The following MAP4K4 variants were observed in gnomAD, a reference collection of about 807,000 sequenced individuals.
MAP4K4 encodes mitogen-activated protein kinase kinase kinase kinase 4.
Under a neutral mutation model 189.6 loss-of-function variants are expected in MAP4K4, and 38 were observed. The ratio of observed to expected loss-of-function variants is 0.20; its 90% confidence interval spans 0.15 to 0.26. The LOEUF is 0.26. MAP4K4 is among the 10% of genes least tolerant of loss of function. The probability of loss-of-function intolerance (pLI) is 1.00; values close to 1 mark genes in which losing one functional copy is unlikely to be tolerated. For synonymous variants in MAP4K4, 610 were observed against 624.3 expected (o/e 0.98, Z 0.34); for missense variants, 1,054 against 1,726.9 (o/e 0.61, Z 6.91).
At chr2:101,770,240 ATTTTTTTTT>A (rs34574782) in intron 2 of MAP4K4, among the ~76,000 whole-genome samples, 6 of 75,192 alleles carry the variant, frequency 8.0e-5, no homozygotes, top group Admixed American at 1.7e-4. Context: ...GTTCATTCTG[ATTTTTTTTT>A]TTTTTTTTTT....
exon 33 of MAP4K4, chr2:101,894,365 C>T (rs567080947): frequency 9.8e-5 from 15 of 152,730 alleles, no homozygotes; most frequent in East Asian, 3.8e-4. Context: ...GCACATGTTA[C>T]GTTGGAGAAA....
intron 24 of MAP4K4, among the ~76,000 whole-genome samples, chr2:101,872,333 G>T (rs2150060355): frequency 6.6e-6 from 1 of 152,288 alleles, no homozygotes; most frequent in South Asian, 2.1e-4. Context: ...AAGGACAAAG[G>T]TTTGAGCTTG....
intron 9 of MAP4K4, among the ~76,000 whole-genome samples, chr2:101,836,823 C>T (rs915382838): frequency 3.3e-5 from 5 of 152,228 alleles, no homozygotes; most frequent in African/African-American, 7.2e-5. Flanking sequence ...TACTGATACC[C>T]GCAGAGAGAG....
At chr2:101,709,706 A>G (rs1397582422) in intron 2 of MAP4K4, among the ~76,000 whole-genome samples, 1 of 151,972 alleles carries the variant, frequency 6.6e-6, no homozygotes, top group African/African-American at 2.4e-5. Context: ...AGCAGAAGCT[A>G]TTGTCTTGCC....
At chr2:101,698,261 C>T (rs2035624745) in intron 1 of MAP4K4, 124 bp downstream of exon 1, 2 of 407,224 alleles carry the variant, frequency 4.9e-6, no homozygotes, top group East Asian at 1.5e-4. Flanking sequence ...GCGGCGGCCC[C>T]TTTGTCTTCC....
At chr2:101,866,388 G>T (rs2097817278) in intron 18 of MAP4K4, 40 bp from the exon 19 acceptor site, 7 of 1,584,704 alleles carry the variant, frequency 4.4e-6, no homozygotes, top group Non-Finnish European at 6.1e-6. Context: ...TGCATCTAGA[G>T]ATGACACATT....
At chr2:101,849,368 A>G (rs985115399) in intron 12 of MAP4K4, among the ~76,000 whole-genome samples, 2 of 152,040 alleles carry the variant, frequency 1.3e-5, no homozygotes, top group African/African-American at 4.8e-5. Context: ...GGCTCAAGCA[A>G]TCCACCCGCC....
chr2:101,753,363 CTTTG>C (rs1252316194), intron 2 of MAP4K4, among the ~76,000 whole-genome samples: 1 of 152,160 alleles, frequency 6.6e-6, no homozygotes, highest in Non-Finnish European at 1.5e-5. Flanking sequence ...CAAAGAAAAT[CTTTG>C]TTTGAAATAG....
At chr2:101,889,060 T>C in intron 32 of MAP4K4, 125 bp downstream of exon 32, 3 of 967,730 alleles carry the variant, frequency 3.1e-6, no homozygotes, top group Non-Finnish European at 4.4e-6. Context: ...TTTTTAAACG[T>C]TGCTTTTTAG....
chr2:101,750,504 C>T (rs556262688), intron 2 of MAP4K4, among the ~76,000 whole-genome samples: 1 of 105,288 alleles, frequency 9.5e-6, no homozygotes, highest in Non-Finnish European at 1.8e-5. Context: ...ACTCTGGGGA[C>T]TGTGGTGGGG....
chr2:101,783,442 T>C (rs1000541378), intron 2 of MAP4K4, among the ~76,000 whole-genome samples: 3 of 152,146 alleles, frequency 2.0e-5, no homozygotes, highest in African/African-American at 4.8e-5. Context: ...ACTTTTCTTA[T>C]AATCTTGAAG....
chr2:101,699,739 T>C (rs2037162160), intron 2 of MAP4K4, among the ~76,000 whole-genome samples: 1 of 152,206 alleles, frequency 6.6e-6, no homozygotes, highest in Non-Finnish European at 1.5e-5. Context: ...CTAGCCTGGG[T>C]AGTGTACTGT....
chr2:101,876,446 T>C (rs888199005), intron 26 of MAP4K4, among the ~76,000 whole-genome samples: 1 of 152,214 alleles, frequency 6.6e-6, no homozygotes, highest in Non-Finnish European at 1.5e-5. Context: ...ACAAGAGAAC[T>C]GACTACAGTT....
chr2:101,723,584 G>C lies in MAP4K4; in HGVS notation c.123+25046G>C, dbSNP rs143187363. 1.7e-3 allele frequency among the ~76,000 whole-genome samples: 266 copies of C among 152,286 alleles called. 2 individuals carry two copies. Among genetic ancestry groups the C allele is most frequent in the Non-Finnish European group, 3.1e-3 (209 of 68,020 alleles). ...GTGCCTTGAGTGGCTGAGCTCCTGG[G>C]CCAGAATCCAGGTGAGTTCTCAGTA... On this transcript the variant is annotated intron_variant, in intron 2 of 32. Transcript: ENST00000324219.
At chr2:101,876,660 GA>G (rs1043231684) in intron 26 of MAP4K4, among the ~76,000 whole-genome samples, 4 of 152,160 alleles carry the variant, frequency 2.6e-5, no homozygotes, top group African/African-American at 9.7e-5. Context: ...ATTAGACATA[GA>G]ATCTGTAAAG....
chr2:101,841,064 A>C (rs2096903605), intron 10 of MAP4K4, among the ~76,000 whole-genome samples: 1 of 152,228 alleles, frequency 6.6e-6, no homozygotes, highest in African/African-American at 2.4e-5. Flanking sequence ...TTGACTTAGT[A>C]ATAATAGCTA....
chr2:101,850,079 TTG>T (rs1260116498), intron 12 of MAP4K4, among the ~76,000 whole-genome samples: 2 of 152,156 alleles, frequency 1.3e-5, no homozygotes, highest in East Asian at 3.8e-4. Context: ...AGTTGTCACT[TTG>T]TGATTTTGGA....
exon 13 of MAP4K4, chr2:101,856,010 C>A (rs2097441767): frequency 6.4e-7 from 1 of 1,551,208 alleles, no homozygotes; most frequent in African/African-American, 1.4e-5. Context: ...TAGAAGGCAG[C>A]AGGAACGTGA....
At chr2:101,705,909 T>C (rs764614612) in intron 2 of MAP4K4, among the ~76,000 whole-genome samples, 6 of 152,246 alleles carry the variant, frequency 3.9e-5, no homozygotes, top group Non-Finnish European at 1.5e-5. Context: ...CTTTATGCTT[T>C]AGTGCCAAAA....
Sources: allele counts gnomAD v4.1 joint callset (sites outside exome capture counted in the v4.1 genomes callset), GRCh38; gene constraint gnomAD v4.1.1; transcripts MANE v1.5; gene names NCBI Gene and HGNC (gene_info 2026-07-23, HGNC 2026-07-21).